The following MAP1S variants were observed in gnomAD, a reference collection of about 807,000 sequenced individuals.
MAP1S encodes microtubule associated protein 1S.
In MAP1S, 27 loss-of-function variants were observed where a neutral mutation model predicts 60.9. That is an observed-to-expected ratio of 0.44 (90% CI 0.33 to 0.61). MAP1S has a LOEUF of 0.61. Ranked by LOEUF, MAP1S falls within the 20% of genes least tolerant of loss-of-function variation. MAP1S has a pLI of 0.03. For synonymous variants in MAP1S, 826 were observed against 694.2 expected (o/e 1.19, Z -2.98); for missense variants, 1,608 against 1,486.6 (o/e 1.08, Z -1.34).
In MAP1S at chr19:17,726,951, C is replaced by T. The variant is rs763217911; in HGVS notation, c.1567C>T (p.Arg523Trp). 197 of 1,572,910 alleles carry T rather than the reference C, an allele frequency of 1.3e-4. No homozygotes were observed. Among genetic ancestry groups the T allele is most frequent in the Middle Eastern group, 1.7e-4 (1 of 6,042 alleles). ...GACTGAGAAAGAAGCCAAGACCCCC[C>T]GGGAGTTGAAGAAAGACCCCAAACC... ...RKTEKEAKTP[R>W]ELKKDPKPSV... Residue 523 changes from arginine (R) to tryptophan (W), a missense_variant, in exon 5 of 7, where the codon CGG becomes TGG. By Grantham distance (101) the Arg-to-Trp change is moderately radical. Around this residue, in one of 4 missense-constraint regions of MAP1S, gnomAD observed 1,167 missense variants for 961.4 expected, o/e 1.21. Transcript: ENST00000324096.
In MAP1S at chr19:17,728,132, A is replaced by G. The variant is rs780973266; in HGVS notation, c.2748A>G (p.Arg916=). 1 of 1,609,000 alleles carries G rather than the reference A, an allele frequency of 6.2e-7. No individual in the cohort carries two copies. The highest frequency in any genetic ancestry group is 8.5e-7 in the Non-Finnish European group (1 of 1,177,382). The part of the protein sequence containing the change: ...SEKGGRAPLS[R]KSSTPKTATR... ...AGGGAGGCCGGGCACCCCTGTCCAG[A>G]AAGTCCTCAACCCCCAAGACTGCCA... is the stretch of plus-strand genomic sequence containing the variant. Residue 916 remains arginine, a synonymous_variant, in exon 5 of 7, where the codon AGA becomes AGG. Coordinates refer to ENST00000324096, the MANE Select transcript of MAP1S (RefSeq NM_018174.6).
chr19:17,721,167 A>T, intron 2 of MAP1S, 130 bp downstream of exon 2: 1 of 776,240 alleles, frequency 1.3e-6, no homozygotes, highest in Non-Finnish European at 2.3e-6. Context: ...GACCTTTCAA[A>T]TGCAAGCCGT....
intron 6 of MAP1S, 57 bp from the exon 7 acceptor site, chr19:17,734,209 AGGGCAGG>A (rs969228366): frequency 7.0e-7 from 1 of 1,428,710 alleles, no homozygotes; most frequent in African/African-American, 1.4e-5. Flanking sequence ...CCAGGCCAGA[AGGGCAGG>A]GGGCACCCCC....
Position 17,725,251 on chromosome 19 carries a change from G to T in MAP1S, c.444+62G>T. On this transcript the variant is annotated intron_variant, in intron 4 of 6. Transcript: ENST00000324096. The surrounding 1 kb of genome is among the most constrained non-coding windows in gnomAD (Gnocchi z 4.2). ...TCTGAATCCTGACTGGGGTGTATCA[G>T]GCTGTGTGGCACCAGCGACCTGCTG... The T allele has an allele frequency of 6.5e-7, 1 of 1,545,044 alleles. No homozygotes were observed. The highest frequency in any genetic ancestry group is 8.7e-7 in the Non-Finnish European group (1 of 1,144,866).
At position 17,733,193 on chromosome 19, in the gene MAP1S, G is replaced by A; in HGVS notation, c.2789G>A (p.Gly930Glu). 6.5e-7 allele frequency: 1 copy of A among 1,535,306 alleles called. No individual in the cohort carries two copies. Among genetic ancestry groups the A allele is most frequent in the Non-Finnish European group, 8.8e-7 (1 of 1,138,808 alleles). The stretch of plus-strand genomic sequence containing the variant: ...TGCCTCCCCATCCCCCCGCCCGCAG[G>A]GTCAGCCAGCAGCCGGCCCGGGGTG... ...TPKTATRGPS[G>E]SASSRPGVSA... is the part of the protein sequence containing the mutation. The change falls in exon 6 of 7, where the codon GGG becomes GAG. Residue 930 changes from glycine (G) to glutamate (E), a missense_variant and splice_region_variant. Gly to Glu is a moderately conservative substitution (Grantham distance 98). This residue lies in a region of MAP1S where 1,167 missense variants were observed against 961.4 expected (regional missense o/e 1.21). Transcript: ENST00000324096.
In MAP1S at chr19:17,727,156, C is replaced by G. The variant is rs2080439303; in HGVS notation, c.1772C>G (p.Ala591Gly). ...RSPPSLRCGE[A>G]SPPSAACGSP... Reference sequence around the variant, plus strand: ...CCGCCCAGCCTCCGATGTGGAGAAGCCAGCCCCCCCAGTGCAGCCTGCGGC... The same window carrying G: ...CCGCCCAGCCTCCGATGTGGAGAAGGCAGCCCCCCCAGTGCAGCCTGCGGC... The change falls in exon 5 of 7, where the codon GCC (alanine) becomes GGC (glycine). Residue 591 changes from alanine (A) to glycine (G), a missense_variant. Around this residue, in one of 4 missense-constraint regions of MAP1S, gnomAD observed 1,167 missense variants for 961.4 expected, o/e 1.21. Transcript: ENST00000324096. The surrounding 1 kb of genome is among the most constrained non-coding windows in gnomAD (Gnocchi z 4.1). 1.3e-6 allele frequency: 2 copies of G among 1,587,620 alleles called. No homozygotes were observed. The highest frequency in any genetic ancestry group is 1.3e-5 in the African/African-American group (1 of 74,230).
At chr19:17,721,595 A>T (rs2080371393) in intron 2 of MAP1S, 1 of 186,786 alleles carries the variant, frequency 5.4e-6, no homozygotes, top group African/African-American at 2.4e-5. Context: ...GATCACATGA[A>T]CCCAGGAGGC....
chr19:17,730,054 G>C (rs2080479550), intron 5 of MAP1S, among the ~76,000 whole-genome samples: 1 of 151,536 alleles, frequency 6.6e-6, no homozygotes, highest in Non-Finnish European at 1.5e-5. Context: ...GTGATCCTTT[G>C]GCCTCGGCCT....
At chr19:17,728,299 G>T (rs1286516938) in intron 5 of MAP1S, 127 bp downstream of exon 5, 1 of 1,072,330 alleles carries the variant, frequency 9.3e-7, no homozygotes, top group Admixed American at 2.9e-5. Flanking sequence ...CTCTGAGCTG[G>T]AGTGCAGTGG....
rs753463924 is a variant in MAP1S, at chr19:17,725,823, A to G, written c.445-6A>G. 5 of 1,608,566 alleles carry G rather than the reference A, an allele frequency of 3.1e-6. No individual in the cohort carries two copies. In the Admixed American group the frequency reaches 5.1e-5, roughly 16 times the overall value. On this transcript the variant is annotated splice_region_variant and splice_polypyrimidine_tract_variant and intron_variant, in intron 4 of 6. Transcript: ENST00000324096. The surrounding 1 kb of genome is among the most constrained non-coding windows in gnomAD (Gnocchi z 4.2). ...GGTGGTCCCTTACCACTCCTCCTCCATACAGATCCGGGACATCCTGGCCAC... is the reference window on the plus strand; with the variant it reads ...GGTGGTCCCTTACCACTCCTCCTCCGTACAGATCCGGGACATCCTGGCCAC...
In MAP1S at chr19:17,725,312, TG is replaced by T; in HGVS notation, c.444+125del. Reference sequence around the variant, plus strand: ...CCTGGTCTCCCCATCCTCTGTAGGATGGCAGTGGTGACACATGCCTCCTGGC... The same window carrying T: ...CCTGGTCTCCCCATCCTCTGTAGGATGCAGTGGTGACACATGCCTCCTGGC... On this transcript the variant is annotated intron_variant, in intron 4 of 6. Transcript: ENST00000324096. The surrounding 1 kb of genome is among the most constrained non-coding windows in gnomAD (Gnocchi z 4.2). 1 of 1,201,612 alleles carries T rather than the reference TG, an allele frequency of 8.3e-7. No homozygotes were observed. Among genetic ancestry groups the T allele is most frequent in the Non-Finnish European group, 1.1e-6 (1 of 871,176 alleles). The allele number at this position is 1,201,612 out of a possible 1,614,324, so 74.4% of individuals were successfully genotyped here. A position where few individuals can be genotyped will look rare whatever the true frequency, so the allele number is the denominator to read the frequency against.
chr19:17,720,075 C>T, intron 1 of MAP1S: 2 of 1,126,688 alleles, frequency 1.8e-6, no homozygotes, highest in Non-Finnish European at 2.2e-6. Context: ...CCGGGGCCCG[C>T]TTTCTGTTGC....
chr19:17,733,554 C>A, intron 6 of MAP1S, 126 bp downstream of exon 6: 1 of 725,966 alleles, frequency 1.4e-6, no homozygotes, highest in Non-Finnish European at 2.2e-6. Context: ...ATGTGGGAGT[C>A]TCACATGGCT....
intron 6 of MAP1S, 35 bp from the exon 7 acceptor site, chr19:17,734,238 T>C: frequency 1.9e-6 from 3 of 1,584,182 alleles, no homozygotes; most frequent in Non-Finnish European, 2.6e-6. Flanking sequence ...TCACTGGTGG[T>C]CCACTCTCCC....
In MAP1S at chr19:17,733,320, C is replaced by G; in HGVS notation, c.2916C>G (p.Arg972=). The G allele has an allele frequency of 2.5e-6, 4 of 1,605,572 alleles. No individual in the cohort carries two copies. Among genetic ancestry groups the G allele is most frequent in the Non-Finnish European group, 3.4e-6 (4 of 1,177,066 alleles). The change falls in exon 6 of 7, where the codon CGC becomes CGG. Residue 972 remains arginine, a synonymous_variant. Coordinates refer to ENST00000324096, the MANE Select transcript of MAP1S (RefSeq NM_018174.6). ...ATGAGGAGTTCTTCCAGCGCGTGCG[C>G]GCGCTCTGCTACGTCATCAGTGGCC... ...LVDEEFFQRV[R]ALCYVISGQD... is the part of the protein sequence containing the mutation.
At chr19:17,732,234 AT>A (rs1179645411) in intron 5 of MAP1S, among the ~76,000 whole-genome samples, 1 of 151,892 alleles carries the variant, frequency 6.6e-6, no homozygotes, top group Non-Finnish European at 1.5e-5. Flanking sequence ...GTATGTGCTG[AT>A]TTTCTATTTT....
intron 5 of MAP1S, among the ~76,000 whole-genome samples, chr19:17,731,104 A>T (rs536558754): frequency 1.5e-3 from 231 of 152,086 alleles, no homozygotes; most frequent in African/African-American, 5.4e-3. Context: ...CACGTTGGCC[A>T]GGCTGGTTTC....
chr19:17,729,456 C>T (rs1470568037), intron 5 of MAP1S, among the ~76,000 whole-genome samples: 7 of 152,158 alleles, frequency 4.6e-5, no homozygotes, highest in Admixed American at 4.6e-4. Flanking sequence ...GCCAAAGGCT[C>T]ACATTTTAAG....
At position 17,726,806 on chromosome 19, in the gene MAP1S, G is replaced by C; in HGVS notation, c.1422G>C (p.Glu474Asp). 1 of 1,558,042 alleles carries C rather than the reference G, an allele frequency of 6.4e-7. No individual in the cohort carries two copies. Among genetic ancestry groups the C allele is most frequent in the Non-Finnish European group, 8.7e-7 (1 of 1,152,038 alleles). ...GGCCGGGGCGAGCCGAGAGCAAAGA[G>C]AGCGTGGGCTCCCGGGACAGCTCGA... ...LEGPGRAESK[E>D]SVGSRDSSKR... Residue 474 changes from glutamate to aspartate, a missense_variant, in exon 5 of 7, where the codon GAG (glutamate) becomes GAC (aspartate). Physicochemically the swap from Glu to Asp is conservative, Grantham distance 45. Transcript: ENST00000324096.
Sources: gnomAD v4.1 joint callset for allele counts (sites outside exome capture counted in the v4.1 genomes callset) on GRCh38, gnomAD v4.1.1 for gene constraint, gnomAD v4.1.1 regional missense constraint, Gnocchi (gnomAD v3.1) non-coding constraint, MANE v1.5 for transcripts, NCBI Gene and HGNC (gene_info 2026-07-23, HGNC 2026-07-21) for gene names.